BCL11B: variants seen among roughly 807,000 people sequenced by gnomAD.
BCL11B encodes BCL11 transcription factor B.
A neutral mutation model predicts 49.9 loss-of-function variants in BCL11B; 8 were observed. The ratio of observed to expected loss-of-function variants is 0.16; its 90% CI spans 0.09 to 0.29. The LOEUF is 0.29. BCL11B is among the 10% of genes least tolerant of loss of function. The pLI is 1.00. For missense variants in BCL11B, 1,006 were observed against 1,351.0 expected, an observed-to-expected ratio of 0.74 and a Z score of 4.00; for synonymous variants, 739 against 637.4, an observed-to-expected ratio of 1.16 and a Z score of -2.40.
intron 3 of BCL11B, among the ~76,000 whole-genome samples, chr14:99,221,989 C>G (rs1888022921): frequency 6.6e-6 from 1 of 152,182 alleles, no homozygotes; most frequent in Non-Finnish European, 1.5e-5. Context: ...CTGGGCCCCA[C>G]AGAGGGACCC....
rs1231865417 is a variant in BCL11B at position 99,175,276 on chromosome 14, G to A, written c.1560C>T (p.His520=). 2 of 1,541,102 alleles carry A rather than the reference G, an allele frequency of 1.3e-6. No individual in the cohort carries two copies. The highest frequency in any genetic ancestry group is 1.7e-6 in the Non-Finnish European group (2 of 1,148,172). Reference sequence around the variant, plus strand: ...CGTGGCCCAGCGACGGGTCGCTCTCGTGGTGGCGGAAGTCACCGTCGGCCG... The same window carrying A: ...CGTGGCCCAGCGACGGGTCGCTCTCATGGTGGCGGAAGTCACCGTCGGCCG... ...LKAADGDFRH[H]ESDPSLGHEP... is the part of the protein sequence containing the mutation. Residue 520 remains histidine, a synonymous_variant, in exon 4 of 4, where the codon CAC becomes CAT. Transcript: ENST00000357195.
intron 2 of BCL11B, among the ~76,000 whole-genome samples, chr14:99,240,847 C>T (rs576675675): frequency 3.1e-4 from 47 of 152,304 alleles, no homozygotes; most frequent in African/African-American, 9.4e-4. Flanking sequence ...TCTAGCCACG[C>T]GCGAGACGCC....
chr14:99,170,266 T>C lies in BCL11B; in HGVS notation c.*3885A>G, dbSNP rs993223693. ...TCTCTCCCATTCCCTCCCCCCTTTTTTTTAACTTTGCAAAGGTAAGTGGCA... is the reference window on the plus strand; with the variant it reads ...TCTCTCCCATTCCCTCCCCCCTTTTCTTTAACTTTGCAAAGGTAAGTGGCA... On this transcript the variant is annotated 3_prime_UTR_variant, in exon 4 of 4. Coordinates refer to ENST00000357195, the MANE Select transcript of BCL11B (RefSeq NM_138576.4). The C allele has an allele frequency of 1.4e-5, 3 of 221,052 alleles. No individual in the cohort carries two copies. Among genetic ancestry groups the C allele is most frequent in the African/African-American group, 6.7e-5 (3 of 44,660 alleles). The allele number at this position is 221,052 out of a possible 1,614,324, so 13.7% of individuals were successfully genotyped here. A position where few individuals can be genotyped will look rare whatever the true frequency, so the allele number is the denominator to read the frequency against.
chr14:99,254,785 C>T (rs1036829695), intron 2 of BCL11B, among the ~76,000 whole-genome samples: 6 of 152,162 alleles, frequency 3.9e-5, no homozygotes, highest in Middle Eastern at 3.2e-3. Flanking sequence ...GAAGCCTGGG[C>T]GGAGAAGTGC....
Position 99,173,816 on chromosome 14 carries a change from CAAAG to C in BCL11B, c.*331_*334del. 1 of 322,354 alleles carries C rather than the reference CAAAG, an allele frequency of 3.1e-6. No homozygotes were observed. The highest frequency in any genetic ancestry group is 5.4e-5 in the South Asian group (1 of 18,444). 20.0% of individuals were successfully genotyped at this position (322,354 alleles called of 1,614,324 possible). A position where few individuals can be genotyped will look rare whatever the true frequency, so the allele number is the denominator to read the frequency against. On this transcript the variant is annotated 3_prime_UTR_variant, in exon 4 of 4. Transcript: ENST00000357195. ...GGCTACTACCGGGTTAAAAAAAAAA[CAAAG>C]AAGGGATGGATACCCAACAAAATCT... is the stretch of plus-strand genomic sequence containing the variant.
At position 99,194,789 on chromosome 14, in the gene BCL11B, G is replaced by A. The variant is rs957934830; in HGVS notation, c.641-18594C>T. ...CTCAACCGTGGAGCAGACGGCCTTC[G>A]ATAATAGCAACCCCCGAGGATGCAG... is the stretch of plus-strand genomic sequence containing the variant. On this transcript the variant is annotated intron_variant, in intron 3 of 3. Transcript: ENST00000357195. The surrounding 1 kb of genome is among the most constrained non-coding windows in gnomAD (Gnocchi z 4.6). 9.9e-5 allele frequency among the ~76,000 whole-genome samples: 15 copies of A among 152,262 alleles called. No homozygotes were observed. The highest frequency in any genetic ancestry group is 7.2e-4 in the Admixed American group (11 of 15,284).
intron 3 of BCL11B, among the ~76,000 whole-genome samples, chr14:99,224,813 C>A (rs1888113374): frequency 1.3e-5 from 2 of 152,312 alleles, no homozygotes; most frequent in South Asian, 4.1e-4. Flanking sequence ...CCATTCACTG[C>A]AAGGGAAGGA....
chr14:99,234,942 A>T (rs1008895370), intron 2 of BCL11B, among the ~76,000 whole-genome samples: 7 of 151,748 alleles, frequency 4.6e-5, no homozygotes, highest in African/African-American at 1.7e-4. Context: ...AATGCTAGAT[A>T]AGCTCATTCT....
At chr14:99,181,072 C>T (rs1300089502) in intron 3 of BCL11B, among the ~76,000 whole-genome samples, 1 of 152,036 alleles carries the variant, frequency 6.6e-6, no homozygotes, top group African/African-American at 2.4e-5. Flanking sequence ...AATTATTATC[C>T]AATGAAAAGG....
chr14:99,227,606 C>T (rs1229574009), intron 3 of BCL11B, among the ~76,000 whole-genome samples: 1 of 152,212 alleles, frequency 6.6e-6, no homozygotes, highest in African/African-American at 2.4e-5. Context: ...GCTCACTCCA[C>T]CCACAGCAGC....
chr14:99,220,199 A>G (rs2793322), intron 3 of BCL11B, among the ~76,000 whole-genome samples: 72,393 of 151,950 alleles, frequency 0.48, 17,865 homozygotes, highest in Non-Finnish European at 0.52. Flanking sequence ...TCCTCAAAAA[A>G]TTAAATATAG....
intron 3 of BCL11B, among the ~76,000 whole-genome samples, chr14:99,189,010 C>G (rs1320254096): frequency 6.6e-6 from 1 of 152,256 alleles, no homozygotes; most frequent in African/African-American, 2.4e-5. Context: ...AATAAGAACT[C>G]GAGCTGAGTT....
chr14:99,231,682 G>T lies in BCL11B; in HGVS notation c.428-125C>A. 1 of 1,003,668 alleles carries T rather than the reference G, an allele frequency of 1.0e-6. No individual in the cohort carries two copies. Among genetic ancestry groups the T allele is most frequent in the Non-Finnish European group, 1.5e-6 (1 of 683,340 alleles). 62.2% of individuals were successfully genotyped at this position (1,003,668 alleles called of 1,614,324 possible). On this transcript the variant is annotated intron_variant, in intron 2 of 3. Transcript: ENST00000357195. This position sits in a 1 kb window ranked among gnomAD's most constrained non-coding sequence, Gnocchi z 8.1. ...CACCCTTCGGGGGTGGGAGGCCCCCGGGGTGCCAGGCCCTGCAGGGAAGGC... is the reference window on the plus strand; with the variant it reads ...CACCCTTCGGGGGTGGGAGGCCCCCTGGGTGCCAGGCCCTGCAGGGAAGGC...
chr14:99,177,457 C>G (rs1403957689), intron 3 of BCL11B, among the ~76,000 whole-genome samples: 1 of 151,438 alleles, frequency 6.6e-6, no homozygotes, highest in Non-Finnish European at 1.5e-5. Flanking sequence ...GGGGGTGAAG[C>G]TCGCCGCTTT....
chr14:99,229,058 G>A (rs975676475), intron 3 of BCL11B, among the ~76,000 whole-genome samples: 1 of 147,204 alleles, frequency 6.8e-6, no homozygotes. Flanking sequence ...ATGGATGGAT[G>A]GATGGATGGA....
intron 3 of BCL11B, among the ~76,000 whole-genome samples, chr14:99,200,041 T>TC (rs1401196362): frequency 1.3e-5 from 2 of 150,448 alleles, no homozygotes; most frequent in Non-Finnish European, 3.0e-5. Flanking sequence ...GTGAAAGAGC[T>TC]CCCCCTGACT....
At position 99,257,550 on chromosome 14, in the gene BCL11B, C is replaced by T. The variant is rs748785063; in HGVS notation, c.348G>A (p.Gly116=). 1 of 1,614,002 alleles carries T rather than the reference C, an allele frequency of 6.2e-7. No homozygotes were observed. Residue 116 remains glycine, a synonymous_variant, in exon 2 of 4, where the codon GGG becomes GGA. Transcript: ENST00000357195. This position sits in a 1 kb window ranked among gnomAD's most constrained non-coding sequence, Gnocchi z 6.2. ...CATCTTCGTCGGGGGTGACTTGGAT[C>T]CCGATCTCCACCGGCTCGGACACTT... The part of the protein sequence containing the change: ...LRKVSEPVEI[G]IQVTPDEDDH...
At chr14:99,246,194 G>T (rs928111490) in intron 2 of BCL11B, among the ~76,000 whole-genome samples, 1 of 152,170 alleles carries the variant, frequency 6.6e-6, no homozygotes, top group Admixed American at 6.5e-5. Context: ...GTCAGGGGAG[G>T]AAGAAAGGAG....
chr14:99,208,361 G>A (rs1416155647), intron 3 of BCL11B, among the ~76,000 whole-genome samples: 4 of 152,154 alleles, frequency 2.6e-5, no homozygotes, highest in African/African-American at 4.8e-5. Flanking sequence ...GACAAGGACC[G>A]TTCCTCCACA....
Sources: allele counts gnomAD v4.1 joint callset (sites outside exome capture counted in the v4.1 genomes callset), GRCh38; gene constraint gnomAD v4.1.1; non-coding constraint Gnocchi (gnomAD v3.1); transcripts MANE v1.5; gene names NCBI Gene and HGNC (gene_info 2026-07-23, HGNC 2026-07-21).